Variants in MAGI2 observed in about 807,000 individuals in gnomAD.
MAGI2 encodes membrane-associated guanylate kinase, WW and PDZ domain-containing protein 2.
In MAGI2, 35 loss-of-function variants were observed where a neutral mutation model predicts 133.3. The observed-to-expected ratio is 0.26, with a 90% CI of 0.20 to 0.35. The LOEUF (loss-of-function observed/expected upper bound fraction) is 0.35, where lower values mean the gene tolerates loss of function less well. Ranked by LOEUF, MAGI2 falls within the 10% of genes least tolerant of loss-of-function variation. The pLI is 1.00. For synonymous variants in MAGI2, 729 were observed against 710.6 expected, an observed-to-expected ratio of 1.03 and a Z score of -0.41; for missense variants, 1,636 against 1,863.4, an observed-to-expected ratio of 0.88 and a Z score of 2.25.
chr7:78,056,717 G>T (rs1812612585), intron 21 of MAGI2, among the ~76,000 whole-genome samples: 1 of 152,126 alleles, frequency 6.6e-6, no homozygotes, highest in South Asian at 2.1e-4. Flanking sequence ...GGGATGCTGG[G>T]CTTAATACCT....
chr7:78,359,494 C>A (rs1584997636), intron 7 of MAGI2: 1 of 152,112 alleles, frequency 6.6e-6, no homozygotes, highest in African/African-American at 2.4e-5. Flanking sequence ...ATAAACTTAT[C>A]CTTTATCTTT....
intron 3 of MAGI2, among the ~76,000 whole-genome samples, chr7:78,529,688 T>G (rs1797293208): frequency 9.0e-6 from 1 of 111,436 alleles, no homozygotes; most frequent in African/African-American, 3.9e-5. Flanking sequence ...TTTTTTTTTT[T>G]TTTTTTTTTT....
In MAGI2 at chr7:79,320,480, T is replaced by A. The variant is rs76983657; in HGVS notation, c.301+132540A>T. Among the ~76,000 whole-genome samples the A allele has an allele frequency of 9.9e-5, 15 of 152,224 alleles. No homozygotes were observed. The East Asian group carries it at 2.9e-3, about 29-fold the overall frequency. ...GTTTAAAAGTTGTTTTATAAGGTGT[T>A]GAAATTTGTATTTTAGATTTCTTGT... On this transcript the variant is annotated intron_variant, in intron 1 of 21. Transcript: ENST00000354212.
chr7:78,505,015 A>T (rs1794961075), intron 4 of MAGI2, among the ~76,000 whole-genome samples: 1 of 152,176 alleles, frequency 6.6e-6, no homozygotes, highest in African/African-American at 2.4e-5. Context: ...ACAGACTGCA[A>T]GGATGTACAA....
At chr7:79,228,418 C>A (rs1459181227) in intron 1 of MAGI2, among the ~76,000 whole-genome samples, 8 of 129,428 alleles carry the variant, frequency 6.2e-5, no homozygotes, top group Non-Finnish European at 6.6e-5. Context: ...GAATCTATGC[C>A]AAGTGTTTAC....
chr7:79,135,549 G>A (rs142727919), intron 1 of MAGI2, among the ~76,000 whole-genome samples: 20 of 152,148 alleles, frequency 1.3e-4, no homozygotes, highest in Non-Finnish European at 2.1e-4. Context: ...TGGTGAATTC[G>A]GCCCCAGAAT....
At chr7:79,410,993 A>T (rs1327886948) in intron 1 of MAGI2, 1 of 152,134 alleles carries the variant, frequency 6.6e-6, no homozygotes, top group Non-Finnish European at 1.5e-5. Context: ...AATAACATTC[A>T]GCACAGACTT....
chr7:78,468,784 T>A (rs186521261), intron 6 of MAGI2, among the ~76,000 whole-genome samples: 19 of 152,276 alleles, frequency 1.2e-4, no homozygotes, highest in Admixed American at 3.9e-4. Context: ...ACAGACTTGA[T>A]GGATAAGGTG....
chr7:79,408,350 C>T (rs1158432503), intron 1 of MAGI2, among the ~76,000 whole-genome samples: 2 of 151,864 alleles, frequency 1.3e-5, no homozygotes, highest in South Asian at 2.1e-4. Flanking sequence ...TATAACATCA[C>T]TAAAATATAG....
At chr7:79,294,010 C>G (rs1408645521) in intron 1 of MAGI2, among the ~76,000 whole-genome samples, 1 of 151,876 alleles carries the variant, frequency 6.6e-6, no homozygotes, top group African/African-American at 2.4e-5. Context: ...TGGTGAAACC[C>G]CTTTTCTACT....
intron 1 of MAGI2, among the ~76,000 whole-genome samples, chr7:79,417,129 C>CTA (rs1338229627): frequency 6.6e-6 from 1 of 152,136 alleles, no homozygotes; most frequent in African/African-American, 2.4e-5. Context: ...ATTTATCTAA[C>CTA]TATACCTCCT....
In MAGI2 at chr7:79,453,364, AG is replaced by A. The variant is rs781098331; in HGVS notation, c.-45del. Reference sequence around the variant, plus strand: ...CTCAGTTCCTGGGCTCCTTGGGGTTAGGGGGGCTGGTGGTGAGAGAATGAGG... The same window carrying A: ...CTCAGTTCCTGGGCTCCTTGGGGTTAGGGGGCTGGTGGTGAGAGAATGAGG... On this transcript the variant is annotated 5_prime_UTR_variant, in exon 1 of 22. Transcript: ENST00000354212. 1.9e-6 allele frequency: 3 copies of A among 1,553,850 alleles called. No individual in the cohort carries two copies. The highest frequency in any genetic ancestry group is 2.8e-5 in the African/African-American group (2 of 72,642).
intron 11 of MAGI2, among the ~76,000 whole-genome samples, chr7:78,200,937 A>C (rs1829193480): frequency 6.6e-6 from 1 of 152,198 alleles, no homozygotes; most frequent in South Asian, 2.1e-4. Context: ...TTTTGTAAGT[A>C]TATATTTTTT....
intron 9 of MAGI2, among the ~76,000 whole-genome samples, chr7:78,330,955 G>A (rs967323220): frequency 5.3e-5 from 8 of 152,132 alleles, no homozygotes; most frequent in African/African-American, 1.7e-4. Context: ...TGCATATGGT[G>A]CGTATACACG....
chr7:78,478,192 T>C (rs541964978), intron 6 of MAGI2, among the ~76,000 whole-genome samples: 9 of 151,990 alleles, frequency 5.9e-5, no homozygotes, highest in African/African-American at 1.4e-4. Context: ...AAACCAAATA[T>C]GTGGTATTTG....
chr7:78,992,816 A>C (rs1368345474), intron 2 of MAGI2, among the ~76,000 whole-genome samples: 1 of 151,804 alleles, frequency 6.6e-6, no homozygotes, highest in Non-Finnish European at 1.5e-5. Flanking sequence ...CCCAATGTTG[A>C]CCTCTGGTCA....
intron 2 of MAGI2, among the ~76,000 whole-genome samples, chr7:78,866,380 C>A (rs1264093941): frequency 2.0e-5 from 3 of 151,966 alleles, no homozygotes; most frequent in African/African-American, 7.3e-5. Flanking sequence ...TAGACATAAT[C>A]TAGCTTGTCC....
chr7:78,754,297 G>A (rs1823734959), intron 2 of MAGI2, among the ~76,000 whole-genome samples: 1 of 151,814 alleles, frequency 6.6e-6, no homozygotes, highest in Admixed American at 6.6e-5. Context: ...CTTGCACCCA[G>A]GAGATTGAGG....
chr7:78,652,830 C>T (rs1811723066), intron 2 of MAGI2, among the ~76,000 whole-genome samples: 1 of 152,022 alleles, frequency 6.6e-6, no homozygotes, highest in African/African-American at 2.4e-5. Flanking sequence ...AAGAAACTAT[C>T]ATCAGAGTGA....
Sources: gnomAD v4.1 joint callset for allele counts (sites outside exome capture counted in the v4.1 genomes callset) on GRCh38, gnomAD v4.1.1 for gene constraint, MANE v1.5 for transcripts, NCBI Gene and HGNC (gene_info 2026-07-23, HGNC 2026-07-21) for gene names.